The following MAGI1 variants were observed in gnomAD, a reference collection of about 807,000 sequenced individuals.
The protein encoded by MAGI1 is membrane associated guanylate kinase, WW and PDZ domain containing 1.
A neutral mutation model predicts 139.9 loss-of-function variants in MAGI1; 58 were observed. The ratio of observed to expected loss-of-function variants is 0.41; its 90% CI spans 0.34 to 0.52. The LOEUF is 0.52. Ranked by LOEUF, MAGI1 falls within the 20% of genes least tolerant of loss-of-function variation. The pLI is 0.12. For synonymous variants in MAGI1, 812 were observed against 737.9 expected (o/e 1.10, Z -1.63); for missense variants, 1,874 against 1,901.6 (o/e 0.99, Z 0.27).
At chr3:65,792,844 T>G (rs770316767) in intron 1 of MAGI1, among the ~76,000 whole-genome samples, 10 of 152,090 alleles carry the variant, frequency 6.6e-5, no homozygotes, top group African/African-American at 9.7e-5. Flanking sequence ...TGACCGTGTA[T>G]AACTGACACC....
At chr3:65,709,120 T>C (rs1042798134) in intron 1 of MAGI1, among the ~76,000 whole-genome samples, 2 of 152,224 alleles carry the variant, frequency 1.3e-5, no homozygotes, top group African/African-American at 4.8e-5. Flanking sequence ...TAAACATGAA[T>C]ATGTATATAC....
chr3:66,034,093 A>G (rs562392822), intron 1 of MAGI1, among the ~76,000 whole-genome samples: 223 of 152,300 alleles, frequency 1.5e-3, no homozygotes, highest in African/African-American at 5.2e-3. Flanking sequence ...GAATCCCTTA[A>G]TAAGCCCATC....
intron 2 of MAGI1, among the ~76,000 whole-genome samples, chr3:65,498,686 T>G (rs1202098050): frequency 6.6e-6 from 1 of 152,156 alleles, no homozygotes; most frequent in Non-Finnish European, 1.5e-5. Context: ...ACACAGGCAA[T>G]GTGACAGCAG....
Position 65,967,742 on chromosome 3 carries a change from G to C in MAGI1, c.313+70254C>G, listed in dbSNP as rs141532936. 4.0e-3 allele frequency among the ~76,000 whole-genome samples: 617 copies of C among 152,346 alleles called. 8 individuals carry two copies. Among genetic ancestry groups the C allele is most frequent in the African/African-American group, 0.014 (569 of 41,596 alleles). On this transcript the variant is annotated intron_variant, in intron 1 of 22. Coordinates refer to ENST00000402939, the MANE Select transcript of MAGI1 (RefSeq NM_001033057.2). ...GTGGTCCAACCAGGCCTGTCTTTAA[G>C]TACTGGCAAGCACCCAAGGCAAGTT...
intron 1 of MAGI1, among the ~76,000 whole-genome samples, chr3:65,711,253 A>G (rs1308746385): frequency 6.6e-6 from 1 of 152,236 alleles, no homozygotes; most frequent in Non-Finnish European, 1.5e-5. Context: ...AACAATTACT[A>G]TGAACTGTAT....
rs61135841 is a variant in MAGI1 at position 65,755,237 on chromosome 3, C to T, written c.314-133149G>A. 8.7e-3 allele frequency among the ~76,000 whole-genome samples: 1,327 copies of T among 152,218 alleles called. 27 individuals carry two copies. The highest frequency in any genetic ancestry group is 0.03 in the African/African-American group (1,244 of 41,524). The stretch of plus-strand genomic sequence containing the variant: ...TGCTGGGATTACAGGTGTGAGCCAC[C>T]GCGCTCGGCCACAAATAGTACATTT... On this transcript the variant is annotated intron_variant, in intron 1 of 22. Coordinates refer to ENST00000402939, the MANE Select transcript of MAGI1 (RefSeq NM_001033057.2).
At chr3:65,529,196 T>C (rs1417997139) in intron 2 of MAGI1, among the ~76,000 whole-genome samples, 1 of 152,216 alleles carries the variant, frequency 6.6e-6, no homozygotes, top group Non-Finnish European at 1.5e-5. Flanking sequence ...GTAGATACTT[T>C]TCACATTTTG....
At chr3:65,508,552 G>C (rs1252053050) in intron 2 of MAGI1, among the ~76,000 whole-genome samples, 1 of 152,084 alleles carries the variant, frequency 6.6e-6, no homozygotes. Context: ...TTATTTCAGA[G>C]ATGTCAGGTG....
At chr3:65,540,000 C>A (rs2107899557) in intron 2 of MAGI1, among the ~76,000 whole-genome samples, 1 of 152,304 alleles carries the variant, frequency 6.6e-6, no homozygotes, top group East Asian at 1.9e-4. Flanking sequence ...ACCTCTCTCA[C>A]TTCCCCTACA....
At chr3:66,022,017 C>T (rs908039397) in intron 1 of MAGI1, among the ~76,000 whole-genome samples, 2 of 152,122 alleles carry the variant, frequency 1.3e-5, no homozygotes, top group Non-Finnish European at 2.9e-5. Context: ...AAATTTCCCC[C>T]GCAGCCTTTT....
intron 1 of MAGI1, among the ~76,000 whole-genome samples, chr3:66,001,579 CA>C (rs67359189): frequency 0.063 from 9,553 of 152,174 alleles, 337 homozygotes; most frequent in East Asian, 0.084. Flanking sequence ...CTGTTTTATA[CA>C]GGGGGAAACT....
chr3:65,591,113 C>A (rs1247063474), intron 2 of MAGI1, among the ~76,000 whole-genome samples: 1 of 152,054 alleles, frequency 6.6e-6, no homozygotes, highest in African/African-American at 2.4e-5. Flanking sequence ...GAATGTTGGG[C>A]TAAATCATGG....
intron 1 of MAGI1, among the ~76,000 whole-genome samples, chr3:65,645,634 T>TA (rs748389780): frequency 1.3e-5 from 2 of 152,082 alleles, no homozygotes; most frequent in Non-Finnish European, 2.9e-5. Context: ...TACAAGCAAA[T>TA]ACATTTCTCT....
chr3:65,739,177 G>A (rs1291401794), intron 1 of MAGI1, among the ~76,000 whole-genome samples: 1 of 152,184 alleles, frequency 6.6e-6, no homozygotes, highest in African/African-American at 2.4e-5. Context: ...TTCTACAATA[G>A]TACTTGCTGC....
At chr3:65,404,126 A>C (rs1945136919) in intron 12 of MAGI1, among the ~76,000 whole-genome samples, 1 of 152,230 alleles carries the variant, frequency 6.6e-6, no homozygotes, top group Non-Finnish European at 1.5e-5. Context: ...AGTGGCAAGG[A>C]GGGGCAAGGA....
intron 2 of MAGI1, among the ~76,000 whole-genome samples, chr3:65,598,131 C>T (rs939828679): frequency 1.3e-5 from 2 of 151,478 alleles, no homozygotes; most frequent in East Asian, 3.9e-4. Flanking sequence ...GTATTTAAGC[C>T]GGGAGTGTGA....
At position 65,700,660 on chromosome 3, in the gene MAGI1, T is replaced by G. The variant is rs545760822; in HGVS notation, c.314-78572A>C. On this transcript the variant is annotated intron_variant, in intron 1 of 22. Coordinates refer to ENST00000402939, the MANE Select transcript of MAGI1 (RefSeq NM_001033057.2). ...ATCTGATTTCATCCTAATGTTGTGATTTTTTTGGGTAGCAGTTCTGATAAT... is the reference window on the plus strand; with the variant it reads ...ATCTGATTTCATCCTAATGTTGTGAGTTTTTTGGGTAGCAGTTCTGATAAT... 1.5e-3 allele frequency among the ~76,000 whole-genome samples: 230 copies of G among 152,266 alleles called. 1 individual carries two copies. Among genetic ancestry groups the G allele is most frequent in the Middle Eastern group, 6.8e-3 (2 of 294 alleles).
chr3:65,530,027 T>C (rs746327983), intron 2 of MAGI1, among the ~76,000 whole-genome samples: 9 of 152,088 alleles, frequency 5.9e-5, no homozygotes, highest in Non-Finnish European at 8.8e-5. Flanking sequence ...CCCATATATG[T>C]GTGAGAGTGC....
At chr3:65,615,369 TCAGA>T (rs767488642) in intron 2 of MAGI1, among the ~76,000 whole-genome samples, 10 of 152,144 alleles carry the variant, frequency 6.6e-5, no homozygotes, top group South Asian at 6.2e-4. Context: ...TTCCCTGGGA[TCAGA>T]CAGAGTCCCC....
Sources: allele counts gnomAD v4.1 joint callset (sites outside exome capture counted in the v4.1 genomes callset), GRCh38; gene constraint gnomAD v4.1.1; transcripts MANE v1.5; gene names NCBI Gene and HGNC (gene_info 2026-07-23, HGNC 2026-07-21).